Variants in ZBTB20 observed in about 807,000 individuals in gnomAD.
ZBTB20 encodes the protein zinc finger and BTB domain containing 20.
In ZBTB20, 9 loss-of-function variants were observed where a neutral mutation model predicts 56.9. The ratio of observed to expected loss-of-function variants is 0.16; its 90% confidence interval spans 0.10 to 0.28. The LOEUF (loss-of-function observed/expected upper bound fraction) is 0.28, where lower values mean the gene tolerates loss of function less well. ZBTB20 is among the 10% of genes least tolerant of loss of function. The probability of loss-of-function intolerance (pLI) is 1.00; values close to 1 mark genes in which losing one functional copy is unlikely to be tolerated. For missense variants in ZBTB20, 655 were observed against 1,003.0 expected, an observed-to-expected ratio of 0.65 and a Z score of 4.69; for synonymous variants, 417 against 420.7, an observed-to-expected ratio of 0.99 and a Z score of 0.11.
chr3:115,069,993 AC>A (rs1191334287), intron 2 of ZBTB20, among the ~76,000 whole-genome samples: 1 of 152,126 alleles, frequency 6.6e-6, no homozygotes, highest in African/African-American at 2.4e-5. Flanking sequence ...TTATTTACTA[AC>A]CCTTTGATGT....
chr3:114,784,379 G>A (rs1333749331), intron 5 of ZBTB20, among the ~76,000 whole-genome samples: 2 of 152,144 alleles, frequency 1.3e-5, no homozygotes, highest in Non-Finnish European at 2.9e-5. Flanking sequence ...TAACAGAAAA[G>A]AGTGAACAGA....
At chr3:114,573,242 C>A (rs2053626477) in intron 6 of ZBTB20, among the ~76,000 whole-genome samples, 1 of 151,970 alleles carries the variant, frequency 6.6e-6, no homozygotes, top group Non-Finnish European at 1.5e-5. Flanking sequence ...GGTGGATCCC[C>A]TGAGCTCAGG....
chr3:114,915,723 C>G (rs1047815958), intron 3 of ZBTB20, among the ~76,000 whole-genome samples: 3 of 151,842 alleles, frequency 2.0e-5, no homozygotes, highest in Non-Finnish European at 4.4e-5. Context: ...GCACTTGTCA[C>G]TACAAATTTC....
chr3:114,624,407 G>A (rs1257258544), intron 6 of ZBTB20, among the ~76,000 whole-genome samples: 1 of 148,826 alleles, frequency 6.7e-6, no homozygotes, highest in Admixed American at 6.7e-5. Context: ...GTACATTATT[G>A]TCTCCCGACG....
intron 4 of ZBTB20, 99 bp from the exon 5 acceptor site, chr3:114,801,273 C>A (rs1187281042): frequency 1.4e-5 from 2 of 140,644 alleles, no homozygotes; most frequent in African/African-American, 5.3e-5. Context: ...CAAAGCAATG[C>A]ATTATCAGTC....
intron 4 of ZBTB20, among the ~76,000 whole-genome samples, chr3:114,883,521 C>A (rs2076475175): frequency 1.3e-5 from 2 of 152,130 alleles, no homozygotes; most frequent in Non-Finnish European, 2.9e-5. Flanking sequence ...TATCAACATT[C>A]ATTTATAATT....
chr3:114,816,043 A>G (rs2072892319), intron 4 of ZBTB20, among the ~76,000 whole-genome samples: 1 of 152,292 alleles, frequency 6.6e-6, no homozygotes, highest in Non-Finnish European at 1.5e-5. Flanking sequence ...ATCTTATTCT[A>G]TCTGAGGAGC....
chr3:114,901,758 T>C (rs1472298268), intron 3 of ZBTB20, among the ~76,000 whole-genome samples: 1 of 152,086 alleles, frequency 6.6e-6, no homozygotes, highest in Non-Finnish European at 1.5e-5. Context: ...AGTATTATGA[T>C]GCTAAAATAT....
At chr3:114,714,947 T>C (rs2108460189) in intron 5 of ZBTB20, among the ~76,000 whole-genome samples, 1 of 152,328 alleles carries the variant, frequency 6.6e-6, no homozygotes, top group East Asian at 1.9e-4. Context: ...CTATAAAAAA[T>C]CATAGCCAGT....
At chr3:114,818,381 G>C (rs1197084574) in intron 4 of ZBTB20, among the ~76,000 whole-genome samples, 1 of 152,016 alleles carries the variant, frequency 6.6e-6, no homozygotes, top group Non-Finnish European at 1.5e-5. Context: ...TTTGATAGTG[G>C]AAAATCAATT....
At chr3:115,074,731 G>A (rs1344584713) in intron 1 of ZBTB20, among the ~76,000 whole-genome samples, 2 of 152,120 alleles carry the variant, frequency 1.3e-5, no homozygotes, top group Non-Finnish European at 2.9e-5. Flanking sequence ...TCTTGAGAGA[G>A]TTATCAGACC....
At chr3:114,538,574 C>T (rs1314488981) in intron 6 of ZBTB20, among the ~76,000 whole-genome samples, 2 of 152,218 alleles carry the variant, frequency 1.3e-5, no homozygotes, top group South Asian at 2.1e-4. Context: ...TACTCTATTT[C>T]ACAGTAATAA....
intron 6 of ZBTB20, among the ~76,000 whole-genome samples, chr3:114,643,785 A>G (rs1201038535): frequency 6.6e-6 from 1 of 152,076 alleles, no homozygotes. Context: ...GCATGACTGA[A>G]GTACAGTTTT....
intron 5 of ZBTB20, among the ~76,000 whole-genome samples, chr3:114,789,542 T>C (rs1328834131): frequency 6.6e-6 from 1 of 152,132 alleles, no homozygotes; most frequent in Non-Finnish European, 1.5e-5. Flanking sequence ...AAAATGATCC[T>C]GAGTTGGGGG....
chr3:114,518,799 A>T (rs531092223), intron 6 of ZBTB20: 1 of 152,228 alleles, frequency 6.6e-6, no homozygotes, highest in South Asian at 2.1e-4. Context: ...CCTGGGGCTA[A>T]TTTTTGCCCC....
chr3:114,902,744 C>T (rs1028701454), intron 3 of ZBTB20, among the ~76,000 whole-genome samples: 1 of 152,066 alleles, frequency 6.6e-6, no homozygotes, highest in Non-Finnish European at 1.5e-5. Flanking sequence ...TCTGAGGCCA[C>T]ATAAAACACA....
At chr3:114,887,080 G>A (rs756472098) in intron 4 of ZBTB20, among the ~76,000 whole-genome samples, 5 of 152,094 alleles carry the variant, frequency 3.3e-5, no homozygotes, top group Non-Finnish European at 7.4e-5. Flanking sequence ...CTGTGCTAGC[G>A]CAGGTCTCTC....
intron 5 of ZBTB20, among the ~76,000 whole-genome samples, chr3:114,778,244 TTAATAATAATAATAA>T (rs370933299): frequency 1.6e-4 from 22 of 137,878 alleles, no homozygotes; most frequent in South Asian, 1.2e-3. Context: ...TTAAAGTATG[TTAATAATAATAATAA>T]TAATAATAAT....
At chr3:114,400,428 G>A (rs2086718301) in intron 7 of ZBTB20, among the ~76,000 whole-genome samples, 1 of 152,152 alleles carries the variant, frequency 6.6e-6, no homozygotes, top group South Asian at 2.1e-4. Flanking sequence ...GAAGATTTAG[G>A]AAAGGGTCCC....
Sources: allele counts gnomAD v4.1 joint callset (sites outside exome capture counted in the v4.1 genomes callset), GRCh38; gene constraint gnomAD v4.1.1; transcripts MANE v1.5; gene names NCBI Gene and HGNC (gene_info 2026-07-23, HGNC 2026-07-21).